Variants in CAMTA1 observed in about 807,000 individuals in gnomAD.
The protein encoded by CAMTA1 is calmodulin binding transcription activator 1.
A neutral mutation model predicts 170.9 loss-of-function variants in CAMTA1; 27 were observed. The ratio of observed to expected loss-of-function variants is 0.16; its 90% CI spans 0.12 to 0.22. CAMTA1 has a LOEUF of 0.22. CAMTA1 is among the 10% of genes least tolerant of loss of function. CAMTA1 has a pLI of 1.00. For missense variants in CAMTA1, 1,619 were observed against 2,217.2 expected (o/e 0.73, Z 5.42); for synonymous variants, 833 against 891.5 (o/e 0.93, Z 1.17).
chr1:7,001,305 AT>A (rs753777994), intron 3 of CAMTA1, among the ~76,000 whole-genome samples: 5 of 152,134 alleles, frequency 3.3e-5, no homozygotes, highest in African/African-American at 1.2e-4. Flanking sequence ...CTCTCTACGT[AT>A]TTGTCAAGTG....
intron 6 of CAMTA1, among the ~76,000 whole-genome samples, chr1:7,628,825 T>C (rs542478420): frequency 6.6e-6 from 1 of 152,344 alleles, no homozygotes; most frequent in Admixed American, 6.5e-5. Context: ...CAGTCTAGGC[T>C]GCAGGCAAGA....
At chr1:7,149,829 C>A (rs1299582122) in intron 4 of CAMTA1, among the ~76,000 whole-genome samples, 1 of 152,136 alleles carries the variant, frequency 6.6e-6, no homozygotes, top group South Asian at 2.1e-4. Flanking sequence ...GCCGGGAAGA[C>A]GTTGAAGACA....
intron 5 of CAMTA1, among the ~76,000 whole-genome samples, chr1:7,283,843 T>C (rs1414551586): frequency 6.6e-6 from 1 of 152,170 alleles, no homozygotes; most frequent in Non-Finnish European, 1.5e-5. Flanking sequence ...ATGGACTGCT[T>C]GCCCCAGCCT....
At chr1:6,908,871 G>A (rs1557807744) in intron 3 of CAMTA1, among the ~76,000 whole-genome samples, 1 of 152,198 alleles carries the variant, frequency 6.6e-6, no homozygotes, top group Non-Finnish European at 1.5e-5. Flanking sequence ...ACAAGTAAGT[G>A]TGCAATATTA....
At chr1:7,450,814 T>C (rs886289172) in intron 5 of CAMTA1, among the ~76,000 whole-genome samples, 1 of 152,184 alleles carries the variant, frequency 6.6e-6, no homozygotes, top group Non-Finnish European at 1.5e-5. Flanking sequence ...ACAAGGCAGA[T>C]AAAATGCAGG....
intron 3 of CAMTA1, among the ~76,000 whole-genome samples, chr1:6,976,428 A>G (rs561937164): frequency 2.6e-5 from 4 of 152,298 alleles, no homozygotes; most frequent in African/African-American, 9.6e-5. Context: ...CTTGCCTTTC[A>G]GAGTGTTGGC....
intron 5 of CAMTA1, among the ~76,000 whole-genome samples, chr1:7,445,498 T>G (rs914665545): frequency 6.6e-6 from 1 of 151,940 alleles, no homozygotes; most frequent in African/African-American, 2.4e-5. Context: ...AGGGAACGAA[T>G]GCCCAGCCAG....
chr1:7,424,876 T>G (rs192470919), intron 5 of CAMTA1, among the ~76,000 whole-genome samples: 5 of 152,152 alleles, frequency 3.3e-5, no homozygotes, highest in Admixed American at 2.0e-4. Flanking sequence ...ATGTGTGGGT[T>G]TGTCATGGTG....
chr1:7,701,479 G>A (rs531766031), intron 11 of CAMTA1, among the ~76,000 whole-genome samples: 2 of 152,108 alleles, frequency 1.3e-5, no homozygotes, highest in Admixed American at 1.3e-4. Context: ...GCAGTGGTGT[G>A]ATCATGGCTT....
intron 3 of CAMTA1, among the ~76,000 whole-genome samples, chr1:6,905,031 C>G (rs1253715341): frequency 1.3e-5 from 2 of 152,014 alleles, no homozygotes; most frequent in Non-Finnish European, 2.9e-5. Flanking sequence ...ACTCTGGGGT[C>G]CGCTCTGTTG....
chr1:7,684,121 C>T (rs779422388), intron 11 of CAMTA1, among the ~76,000 whole-genome samples: 22 of 152,276 alleles, frequency 1.4e-4, no homozygotes, highest in Non-Finnish European at 2.4e-4. Context: ...TGGTGCCCTG[C>T]GGAGAAATGG....
intron 5 of CAMTA1, among the ~76,000 whole-genome samples, chr1:7,306,061 G>A (rs1052266576): frequency 9.9e-5 from 15 of 151,984 alleles, no homozygotes; most frequent in African/African-American, 3.6e-4. Context: ...TTTTTAACTA[G>A]TCTGTAACTT....
chr1:7,627,178 A>G (rs2095639362), intron 6 of CAMTA1, among the ~76,000 whole-genome samples: 1 of 152,194 alleles, frequency 6.6e-6, no homozygotes, highest in Non-Finnish European at 1.5e-5. Flanking sequence ...ATAACCAAGA[A>G]TTGTCTCAGA....
chr1:7,237,497 C>T (rs1664103424), intron 4 of CAMTA1, among the ~76,000 whole-genome samples: 1 of 152,086 alleles, frequency 6.6e-6, no homozygotes, highest in Non-Finnish European at 1.5e-5. Flanking sequence ...ATGAACCAGA[C>T]CTGTTTTGGA....
chr1:7,654,932 ACAAG>A (rs775058965), intron 7 of CAMTA1, among the ~76,000 whole-genome samples: 53 of 148,510 alleles, frequency 3.6e-4, no homozygotes, highest in Non-Finnish European at 7.6e-4. Context: ...CTATACACAC[ACAAG>A]CACACACCTA....
intron 5 of CAMTA1, among the ~76,000 whole-genome samples, chr1:7,292,709 A>G (rs557813318): frequency 2.8e-4 from 42 of 152,286 alleles, no homozygotes; most frequent in African/African-American, 1.0e-3. Flanking sequence ...CCCAGTTCCT[A>G]TGAGGGATGC....
chr1:7,468,901 G>A (rs958007731), intron 6 of CAMTA1, among the ~76,000 whole-genome samples: 3 of 152,184 alleles, frequency 2.0e-5, no homozygotes, highest in Non-Finnish European at 4.4e-5. Flanking sequence ...AGGGAGAAAA[G>A]AGTCACACAT....
chr1:7,688,989 C>T (rs1465847851), intron 11 of CAMTA1, among the ~76,000 whole-genome samples: 5 of 152,070 alleles, frequency 3.3e-5, no homozygotes, highest in African/African-American at 7.2e-5. Context: ...AGGCCGGGTG[C>T]AGTGGCTCAT....
intron 3 of CAMTA1, among the ~76,000 whole-genome samples, chr1:6,997,977 A>AT (rs925941081): frequency 6.6e-6 from 1 of 150,494 alleles, no homozygotes; most frequent in Non-Finnish European, 1.5e-5. Context: ...TTTATTACAA[A>AT]TTTTTTTTCC....
Sources: gnomAD v4.1 joint callset for allele counts (sites outside exome capture counted in the v4.1 genomes callset) on GRCh38, gnomAD v4.1.1 for gene constraint, MANE v1.5 for transcripts, NCBI Gene and HGNC (gene_info 2026-07-23, HGNC 2026-07-21) for gene names.